The following PRKG1 variants were observed in gnomAD, a reference collection of about 807,000 sequenced individuals.
PRKG1 encodes cGMP-dependent protein kinase 1.
Under a neutral mutation model 88.1 loss-of-function variants are expected in PRKG1, and 35 were observed. That is an observed-to-expected ratio of 0.40 (90% CI 0.30 to 0.53). The LOEUF is 0.53. Among genes scored for constraint, PRKG1 ranks in the 20% least tolerant of loss-of-function variants. PRKG1 has a pLI of 0.59. For missense variants in PRKG1, 540 were observed against 839.8 expected, an observed-to-expected ratio of 0.64 and a Z score of 4.41; for synonymous variants, 303 against 292.5, an observed-to-expected ratio of 1.04 and a Z score of -0.37.
intron 2 of PRKG1, among the ~76,000 whole-genome samples, chr10:51,456,925 G>T (rs1839602327): frequency 1.3e-5 from 2 of 152,064 alleles, no homozygotes; most frequent in African/African-American, 4.8e-5. Context: ...AATAAAAACA[G>T]TCAAAAAACA....
chr10:51,808,182 CCTGT>C (rs1325819367), intron 4 of PRKG1, among the ~76,000 whole-genome samples: 2 of 152,206 alleles, frequency 1.3e-5, no homozygotes, highest in African/African-American at 4.8e-5. Context: ...TAAAAAATTG[CCTGT>C]CTTTCTTTTA....
chr10:51,079,389 A>G (rs1271661267), intron 1 of PRKG1, among the ~76,000 whole-genome samples: 1 of 152,220 alleles, frequency 6.6e-6, no homozygotes, highest in Non-Finnish European at 1.5e-5. Context: ...GTTTAAAGTA[A>G]GTATTTGAAG....
intron 2 of PRKG1, among the ~76,000 whole-genome samples, chr10:51,288,539 C>T (rs921661426): frequency 1.3e-5 from 2 of 152,170 alleles, no homozygotes; most frequent in Non-Finnish European, 2.9e-5. Context: ...TCAAATTTCT[C>T]ATCATTTGAG....
chr10:51,907,690 C>A, intron 5 of PRKG1, 120 bp downstream of exon 5: 1 of 772,926 alleles, frequency 1.3e-6, no homozygotes, highest in Non-Finnish European at 2.1e-6. Context: ...TTTCTAAGCT[C>A]TGGGATGAGC....
chr10:51,898,947 T>G (rs1468444805), intron 4 of PRKG1, among the ~76,000 whole-genome samples: 3 of 152,196 alleles, frequency 2.0e-5, no homozygotes, highest in Non-Finnish European at 2.9e-5. Flanking sequence ...AACAGAAAGT[T>G]TGAAAATATA....
chr10:51,261,453 G>C (rs1333140218), intron 2 of PRKG1, among the ~76,000 whole-genome samples: 2 of 152,186 alleles, frequency 1.3e-5, no homozygotes, highest in African/African-American at 4.8e-5. Flanking sequence ...ATCTAAGATA[G>C]TGAATAGAAT....
intron 2 of PRKG1, among the ~76,000 whole-genome samples, chr10:51,185,886 AT>A (rs1325768586): frequency 5.3e-5 from 8 of 151,712 alleles, no homozygotes; most frequent in Non-Finnish European, 1.2e-4. Flanking sequence ...CATTGTACAC[AT>A]TTTAAGTCAT....
chr10:51,213,813 G>A (rs906799604), intron 2 of PRKG1, among the ~76,000 whole-genome samples: 4 of 151,968 alleles, frequency 2.6e-5, no homozygotes, highest in African/African-American at 9.7e-5. Context: ...CAAGAGAGAA[G>A]TAATTTTTTA....
intron 3 of PRKG1, among the ~76,000 whole-genome samples, chr10:51,692,124 C>T (rs1841159326): frequency 6.6e-6 from 1 of 152,108 alleles, no homozygotes; most frequent in Admixed American, 6.5e-5. Flanking sequence ...TGTTTTTAGT[C>T]CTGATTTATG....
chr10:51,753,700 C>A (rs565504611), intron 3 of PRKG1, among the ~76,000 whole-genome samples: 208 of 152,298 alleles, frequency 1.4e-3, no homozygotes, highest in Middle Eastern at 6.8e-3. Flanking sequence ...TCTATTCCAA[C>A]TGCACATAGT....
intron 1 of PRKG1, among the ~76,000 whole-genome samples, chr10:51,026,909 A>G (rs1344315563): frequency 1.3e-5 from 2 of 152,202 alleles, no homozygotes; most frequent in African/African-American, 4.8e-5. Context: ...TGAAAAGAGG[A>G]AATGAGAGCT....
chr10:51,616,183 A>ACT (rs2132253386), intron 3 of PRKG1, among the ~76,000 whole-genome samples: 1 of 152,242 alleles, frequency 6.6e-6, no homozygotes, highest in East Asian at 1.9e-4. Flanking sequence ...ACTGGCCTGC[A>ACT]GGCCCCACTG....
intron 4 of PRKG1, among the ~76,000 whole-genome samples, chr10:51,853,629 A>G (rs879663473): frequency 2.6e-5 from 4 of 152,188 alleles, no homozygotes; most frequent in Non-Finnish European, 5.9e-5. Flanking sequence ...TAGCTTAAGT[A>G]TGTTTGCAAA....
At chr10:51,834,404 GCC>G (rs1440121685) in intron 4 of PRKG1, among the ~76,000 whole-genome samples, 1 of 152,088 alleles carries the variant, frequency 6.6e-6, no homozygotes, top group Non-Finnish European at 1.5e-5. Context: ...ACTTTGGGAG[GCC>G]GAGGCAAGAG....
At chr10:51,382,845 T>C (rs1317500540) in intron 2 of PRKG1, among the ~76,000 whole-genome samples, 2 of 152,148 alleles carry the variant, frequency 1.3e-5, no homozygotes, top group African/African-American at 4.8e-5. Flanking sequence ...TAGCTGCCAG[T>C]GGGTCTAGGG....
intron 2 of PRKG1, among the ~76,000 whole-genome samples, chr10:51,353,558 A>C (rs1033086779): frequency 2.6e-5 from 4 of 152,224 alleles, no homozygotes; most frequent in African/African-American, 7.2e-5. Context: ...AGTGATCAAC[A>C]TCACTGATCA....
intron 4 of PRKG1, among the ~76,000 whole-genome samples, chr10:51,844,976 T>C (rs2132787811): frequency 6.6e-6 from 1 of 152,302 alleles, no homozygotes; most frequent in South Asian, 2.1e-4. Flanking sequence ...CATTGTATTT[T>C]ATTTTATTGA....
At chr10:51,572,591 G>A (rs898397864) in intron 3 of PRKG1, among the ~76,000 whole-genome samples, 1 of 151,864 alleles carries the variant, frequency 6.6e-6, no homozygotes, top group African/African-American at 2.4e-5. Context: ...GTTTCTGTAG[G>A]ATCAGTATGA....
chr10:51,781,308 T>C (rs1838582814), intron 3 of PRKG1, among the ~76,000 whole-genome samples: 1 of 152,126 alleles, frequency 6.6e-6, no homozygotes, highest in Non-Finnish European at 1.5e-5. Context: ...TGATCCCAAA[T>C]ATGAATAGTA....
Sources: gnomAD v4.1 joint callset for allele counts (sites outside exome capture counted in the v4.1 genomes callset) on GRCh38, gnomAD v4.1.1 for gene constraint, MANE v1.5 for transcripts, NCBI Gene and HGNC (gene_info 2026-07-23, HGNC 2026-07-21) for gene names.